USF2: variants seen among roughly 807,000 people sequenced by gnomAD.
The protein encoded by USF2 is upstream transcription factor 2, c-fos interacting.
Under a neutral mutation model 46.9 loss-of-function variants are expected in USF2, and 16 were observed. The ratio of observed to expected loss-of-function variants is 0.34; its 90% CI spans 0.23 to 0.52. The LOEUF (loss-of-function observed/expected upper bound fraction) is 0.52. Ranked by LOEUF, USF2 falls within the 20% of genes least tolerant of loss-of-function variation. The pLI is 0.96. For missense variants in USF2, 411 were observed against 474.0 expected (o/e 0.87, Z 1.23); for synonymous variants, 239 against 194.1 (o/e 1.23, Z -1.92).
In USF2 at chr19:35,269,494, T is replaced by C; in HGVS notation, c.109+2T>C. ...AGGAGGGCGTCGAGCTGCAGGAAGG[T>C]GAGTGCTTGCCGGGCCGGCCGCGCC... On this transcript the variant is annotated splice_donor_variant, in intron 2 of 9. Coordinates refer to ENST00000222305, the MANE Select transcript of USF2 (RefSeq NM_003367.4). LOFTEE classifies it high-confidence loss of function. The C allele has an allele frequency of 6.5e-7, 1 of 1,549,448 alleles. No homozygotes were observed. The highest frequency in any genetic ancestry group is 8.7e-7 in the Non-Finnish European group (1 of 1,154,494).
chr19:35,274,132 C>T (rs2066199068), intron 7 of USF2, among the ~76,000 whole-genome samples: 1 of 152,222 alleles, frequency 6.6e-6, no homozygotes, highest in Non-Finnish European at 1.5e-5. Flanking sequence ...TTTGAACTAC[C>T]TATTCGAGAT....
intron 5 of USF2, 48 bp downstream of exon 5, chr19:35,270,645 G>C (rs759872030): frequency 3.7e-6 from 6 of 1,611,728 alleles, no homozygotes; most frequent in Non-Finnish European, 5.1e-6. Flanking sequence ...AACGGGCCCA[G>C]CAGGGAGGGA....
chr19:35,270,036 G>C, intron 4 of USF2, 33 bp downstream of exon 4: 1 of 1,335,808 alleles, frequency 7.5e-7, no homozygotes, highest in East Asian at 3.1e-5. Flanking sequence ...GTGGGGGGGG[G>C]AGGGAGTGGA....
chr19:35,276,167 G>A (rs1308126950), intron 7 of USF2, among the ~76,000 whole-genome samples: 1 of 150,734 alleles, frequency 6.6e-6, no homozygotes, highest in Admixed American at 6.6e-5. Flanking sequence ...CACCTCTTGG[G>A]TTCAAGCAAT....
chr19:35,270,690 T>G (rs1243761974), intron 5 of USF2, 28 bp from the exon 6 acceptor site: 2 of 1,613,344 alleles, frequency 1.2e-6, no homozygotes, highest in South Asian at 2.2e-5. Flanking sequence ...CACCCTGCCT[T>G]GCCACTAACC....
Position 35,270,702 on chromosome 19 carries a change from C to T in USF2, c.581-16C>T. ...CTTCACCCTGCCTTGCCACTAACCC[C>T]CCACTCTCCCTGCAGGCCAGTTCTA... On this transcript the variant is annotated splice_polypyrimidine_tract_variant and intron_variant, in intron 5 of 9. Transcript: ENST00000222305. 2 of 1,614,052 alleles carry T rather than the reference C, an allele frequency of 1.2e-6. No individual in the cohort carries two copies. Among genetic ancestry groups the T allele is most frequent in the Non-Finnish European group, 1.7e-6 (2 of 1,179,968 alleles).
chr19:35,269,497 G>A lies in USF2; in HGVS notation c.109+5G>A, dbSNP rs1363288773. On this transcript the variant is annotated splice_donor_5th_base_variant and intron_variant, in intron 2 of 9. Coordinates refer to ENST00000222305, the MANE Select transcript of USF2 (RefSeq NM_003367.4). ...AGGGCGTCGAGCTGCAGGAAGGTGA[G>A]TGCTTGCCGGGCCGGCCGCGCCCGG... is the stretch of plus-strand genomic sequence containing the variant. The A allele has an allele frequency of 1.3e-6, 2 of 1,551,490 alleles. No homozygotes were observed.
At chr19:35,274,302 C>T (rs573624610) in intron 7 of USF2, among the ~76,000 whole-genome samples, 27 of 152,316 alleles carry the variant, frequency 1.8e-4, no homozygotes, top group African/African-American at 4.8e-4. Flanking sequence ...AGACCAGAGC[C>T]GCTTTCAACT....
chr19:35,270,781 C>T lies in USF2; in HGVS notation c.644C>T (p.Ala215Val). 6.2e-7 allele frequency: 1 copy of T among 1,613,982 alleles called. No individual in the cohort carries two copies. Among genetic ancestry groups the T allele is most frequent in the African/African-American group, 1.3e-5 (1 of 74,946 alleles). ...CAGACAGGAACACAGAGGACGATCG[C>T]CCCCCGGACACACCCTTACTCTCCG... ...VLQTGTQRTI[A>V]PRTHPYSPKI... Residue 215 changes from alanine to valine, a missense_variant, in exon 6 of 10, where the codon GCC becomes GTC. Around this residue, in one of 2 missense-constraint regions of USF2, gnomAD observed 318 missense variants for 322.4 expected, o/e 0.99. Transcript: ENST00000222305.
rs147615323 is a variant in USF2, at chr19:35,271,098, C to T, written c.684C>T (p.Thr228=). Residue 228 remains threonine (T), a synonymous_variant, in exon 7 of 10, where the codon ACC becomes ACT. Coordinates refer to ENST00000222305, the MANE Select transcript of USF2 (RefSeq NM_003367.4). ...THPYSPKIDG[T]RTPRDERRRA... ...CCTCTTGTAGAAAAATTGATGGAAC[C>T]AGAACACCCCGAGATGAGAGGAGAA... 1.8e-4 allele frequency: 283 copies of T among 1,613,788 alleles called. No homozygotes were observed. The highest frequency in any genetic ancestry group is 2.3e-4 in the Non-Finnish European group (272 of 1,179,970).
intron 7 of USF2, among the ~76,000 whole-genome samples, chr19:35,274,843 C>T (rs1321908612): frequency 6.6e-6 from 1 of 152,178 alleles, no homozygotes; most frequent in African/African-American, 2.4e-5. Context: ...TGATCTGGGG[C>T]ATGTGTGCGC....
chr19:35,278,860 A>G, intron 8 of USF2, 68 bp downstream of exon 8: 1 of 1,609,064 alleles, frequency 6.2e-7, no homozygotes, highest in Non-Finnish European at 8.5e-7. Flanking sequence ...AGAAAGTCCA[A>G]CAGCCATGGG....
intron 7 of USF2, among the ~76,000 whole-genome samples, chr19:35,272,390 C>T (rs940986645): frequency 3.3e-5 from 5 of 151,980 alleles, no homozygotes; most frequent in African/African-American, 9.7e-5. Context: ...TGAAGCAGAT[C>T]CCTGAAGCGA....
chr19:35,277,936 C>T (rs1404754224), intron 7 of USF2: 1 of 152,262 alleles, frequency 6.6e-6, no homozygotes, highest in Admixed American at 6.5e-5. Flanking sequence ...AGCTGCCACC[C>T]AGCTGACACA....
At position 35,279,491 on chromosome 19, in the gene USF2, G is replaced by T; in HGVS notation, c.*235G>T. Reference sequence around the variant, plus strand: ...TCCGTCTGTCTGTCGCCCTTCTCCCGGCCCTCACTAAGCCCCGGCACTTCT... The same window carrying T: ...TCCGTCTGTCTGTCGCCCTTCTCCCTGCCCTCACTAAGCCCCGGCACTTCT... On this transcript the variant is annotated 3_prime_UTR_variant, in exon 10 of 10. Coordinates refer to ENST00000222305, the MANE Select transcript of USF2 (RefSeq NM_003367.4). 1 of 502,800 alleles carries T rather than the reference G, an allele frequency of 2.0e-6. No individual in the cohort carries two copies. The highest frequency in any genetic ancestry group is 3.4e-6 in the Non-Finnish European group (1 of 294,004). The allele number at this position is 502,800 out of a possible 1,614,324, so 31.1% of individuals were successfully genotyped here. A position where few individuals can be genotyped will look rare whatever the true frequency, so the allele number is the denominator to read the frequency against.
chr19:35,274,947 C>T (rs993737904), intron 7 of USF2: 6 of 128,394 alleles, frequency 4.7e-5, no homozygotes, highest in Non-Finnish European at 6.7e-5. Flanking sequence ...AGCTAGAAAT[C>T]GAGACTTATG....
chr19:35,269,647 TCGGCGACCA>T lies in USF2; in HGVS notation c.178_186del (p.Gly60_His62del). On this transcript the variant is annotated inframe_deletion, in exon 3 of 10. Transcript: ENST00000222305. ...ATCACCAGCGTCCAGCAGGCGGCGT[TCGGCGACCA>T]CAACATCCAGTACCAGTTCCGCACA... 1.3e-6 allele frequency: 2 copies of T among 1,519,530 alleles called. No homozygotes were observed. Among genetic ancestry groups the T allele is most frequent in the Non-Finnish European group, 1.8e-6 (2 of 1,125,494 alleles). The allele number at this position is 1,519,530 out of a possible 1,614,324, so 94.1% of individuals were successfully genotyped here. A position where few individuals can be genotyped will look rare whatever the true frequency, so the allele number is the denominator to read the frequency against.
intron 1 of USF2, 103 bp downstream of exon 1, chr19:35,269,266 C>A: frequency 2.1e-6 from 2 of 948,464 alleles, no homozygotes; most frequent in Non-Finnish European, 2.5e-6. Context: ...GCGGGCCCGG[C>A]TCAAAATGGA....
intron 7 of USF2, chr19:35,277,944 A>G (rs1219416009): frequency 6.6e-6 from 1 of 152,296 alleles, no homozygotes; most frequent in African/African-American, 2.4e-5. Flanking sequence ...CCCAGCTGAC[A>G]CAGTTGGCAT....
Sources: gnomAD v4.1 joint callset for allele counts (sites outside exome capture counted in the v4.1 genomes callset) on GRCh38, gnomAD v4.1.1 for gene constraint, gnomAD v4.1.1 regional missense constraint, MANE v1.5 for transcripts, NCBI Gene and HGNC (gene_info 2026-07-23, HGNC 2026-07-21) for gene names.